ROR2: variants seen among roughly 807,000 people sequenced by gnomAD.
The protein encoded by ROR2 is ROR family WNT receptor 2.
Under a neutral mutation model 74.9 loss-of-function variants are expected in ROR2, and 33 were observed. The ratio of observed to expected loss-of-function variants is 0.44; its 90% CI spans 0.33 to 0.59. ROR2 has a LOEUF of 0.59. ROR2 is among the 20% of genes least tolerant of loss of function. ROR2 has a pLI of 0.02. For synonymous variants in ROR2, 586 were observed against 558.7 expected, an observed-to-expected ratio of 1.05 and a Z score of -0.69; for missense variants, 1,216 against 1,313.8, an observed-to-expected ratio of 0.93 and a Z score of 1.15.
intron 1 of ROR2, among the ~76,000 whole-genome samples, chr9:91,865,972 C>A (rs1354010010): frequency 1.3e-5 from 2 of 152,170 alleles, no homozygotes; most frequent in African/African-American, 2.4e-5. Context: ...TTCTGAATTA[C>A]CTAAATCAAA....
intron 7 of ROR2, 88 bp downstream of exon 7, chr9:91,730,822 C>T (rs1433632450): frequency 6.4e-7 from 1 of 1,573,054 alleles, no homozygotes; most frequent in South Asian, 1.1e-5. Context: ...TACAGAGGCA[C>T]ACCCCAACCC....
intron 1 of ROR2, among the ~76,000 whole-genome samples, chr9:91,889,639 A>G (rs1383095336): frequency 6.6e-6 from 1 of 152,122 alleles, no homozygotes. Context: ...GGCTCATGAC[A>G]AATGCCAAAG....
chr9:91,893,250 A>C (rs1830466560), intron 1 of ROR2, among the ~76,000 whole-genome samples: 1 of 152,044 alleles, frequency 6.6e-6, no homozygotes. Flanking sequence ...TAATCCTAGC[A>C]CTTTGGGAGG....
At chr9:91,825,377 C>T (rs1020787077) in intron 1 of ROR2, among the ~76,000 whole-genome samples, 2 of 152,148 alleles carry the variant, frequency 1.3e-5, no homozygotes, top group African/African-American at 4.8e-5. Flanking sequence ...GTGGGGCACC[C>T]GGTGGGCTCC....
At position 91,911,198 on chromosome 9, in the gene ROR2, A is replaced by AT. The variant is rs1830971241; in HGVS notation, c.97+38668_97+38669insA. Reference sequence around the variant, plus strand: ...CTACACACAGGCTCTTTTTGAAAACAATGCACCAGAACAAACTATAGTCAT... The same window carrying AT: ...CTACACACAGGCTCTTTTTGAAAACATATGCACCAGAACAAACTATAGTCAT... On this transcript the variant is annotated intron_variant, in intron 1 of 8. Coordinates refer to ENST00000375708, the MANE Select transcript of ROR2 (RefSeq NM_004560.4). Among the ~76,000 whole-genome samples the AT allele has an allele frequency of 4.6e-5, 7 of 152,338 alleles. No homozygotes were observed. The South Asian group carries it at 1.5e-3, about 32-fold the overall frequency.
chr9:91,843,204 G>A (rs1288434150), intron 1 of ROR2, among the ~76,000 whole-genome samples: 1 of 152,194 alleles, frequency 6.6e-6, no homozygotes, highest in African/African-American at 2.4e-5. Flanking sequence ...CAAAGACCCT[G>A]AAGACACGTA....
At chr9:91,811,718 C>T (rs1291082599) in intron 1 of ROR2, among the ~76,000 whole-genome samples, 2 of 152,224 alleles carry the variant, frequency 1.3e-5, no homozygotes, top group Non-Finnish European at 1.5e-5. Context: ...AACATGCTGA[C>T]ATGCCTGCCC....
chr9:91,918,632 A>G (rs546011306), intron 1 of ROR2, among the ~76,000 whole-genome samples: 68 of 152,350 alleles, frequency 4.5e-4, no homozygotes, highest in African/African-American at 1.6e-3. Flanking sequence ...ATTTTCTGCA[A>G]TTCCATAGTA....
intron 1 of ROR2, among the ~76,000 whole-genome samples, chr9:91,810,279 T>C (rs1827705951): frequency 6.6e-6 from 1 of 152,104 alleles, no homozygotes; most frequent in African/African-American, 2.4e-5. Flanking sequence ...CTACACTATC[T>C]AGTGTATGCA....
chr9:91,751,731 A>T (rs1825600376), intron 4 of ROR2, among the ~76,000 whole-genome samples: 1 of 152,234 alleles, frequency 6.6e-6, no homozygotes, highest in African/African-American at 2.4e-5. Context: ...TGAGTCAAGA[A>T]ATGTGCAGAT....
intron 4 of ROR2, among the ~76,000 whole-genome samples, chr9:91,746,224 GCA>G (rs1825411027): frequency 6.6e-6 from 1 of 152,024 alleles, no homozygotes; most frequent in South Asian, 2.1e-4. Flanking sequence ...TTACAGGCAC[GCA>G]CCACCACGCC....
intron 1 of ROR2, among the ~76,000 whole-genome samples, chr9:91,908,988 G>C (rs1353026421): frequency 1.3e-5 from 2 of 152,184 alleles, no homozygotes; most frequent in Non-Finnish European, 2.9e-5. Flanking sequence ...CGAGCCAACA[G>C]AGGAATTTAA....
intron 8 of ROR2, 41 bp from the exon 9 acceptor site, chr9:91,725,148 C>T (rs770877342): frequency 4.0e-5 from 65 of 1,609,574 alleles, no homozygotes; most frequent in Middle Eastern, 3.3e-4. Context: ...TCACTGTCAC[C>T]GCAGCCCTGG....
chr9:91,880,269 C>T (rs566318986), intron 1 of ROR2, among the ~76,000 whole-genome samples: 16 of 152,296 alleles, frequency 1.1e-4, no homozygotes, highest in South Asian at 1.0e-3. Context: ...ACCAGCCCTG[C>T]TGAAACCTGG....
chr9:91,742,618 T>C (rs1465188879), intron 4 of ROR2, among the ~76,000 whole-genome samples: 1 of 152,220 alleles, frequency 6.6e-6, no homozygotes, highest in African/African-American at 2.4e-5. Context: ...GGTGGCCCCC[T>C]AAGATTACAA....
At chr9:91,804,680 C>T (rs905636077) in intron 1 of ROR2, among the ~76,000 whole-genome samples, 7 of 152,174 alleles carry the variant, frequency 4.6e-5, no homozygotes, top group East Asian at 1.9e-4. Context: ...CCTAAATTCC[C>T]AATTCACCAA....
chr9:91,904,120 A>C (rs1830750267), intron 1 of ROR2, among the ~76,000 whole-genome samples: 1 of 151,426 alleles, frequency 6.6e-6, no homozygotes, highest in African/African-American at 2.4e-5. Context: ...GGCTCACTGC[A>C]ACCTCCACCT....
chr9:91,734,407 C>A (rs997118358), intron 5 of ROR2, among the ~76,000 whole-genome samples: 6 of 152,206 alleles, frequency 3.9e-5, no homozygotes, highest in Admixed American at 6.5e-5. Flanking sequence ...GGCATTTAGT[C>A]CCTGAGGAGC....
chr9:91,892,590 C>CTTTTTT (rs547073635), intron 1 of ROR2, among the ~76,000 whole-genome samples: 35 of 105,438 alleles, frequency 3.3e-4, no homozygotes, highest in Non-Finnish European at 5.9e-4. Context: ...CTTTTCTTTT[C>CTTTTTT]TTTTTTTTTT....
Sources: allele counts gnomAD v4.1 joint callset (sites outside exome capture counted in the v4.1 genomes callset), GRCh38; gene constraint gnomAD v4.1.1; transcripts MANE v1.5; gene names NCBI Gene and HGNC (gene_info 2026-07-23, HGNC 2026-07-21).